Variants in HSPA8 observed in about 807,000 individuals in gnomAD.
The protein encoded by HSPA8 is heat shock cognate 71 kDa protein.
In HSPA8, 2 loss-of-function variants were observed where a neutral mutation model predicts 52.8. The ratio of observed to expected loss-of-function variants is 0.04; its 90% CI spans 0.02 to 0.12. The LOEUF (loss-of-function observed/expected upper bound fraction) is 0.12, where lower values mean the gene tolerates loss of function less well. HSPA8 is among the 10% of genes least tolerant of loss of function. HSPA8 has a pLI of 1.00. For missense variants in HSPA8, 349 were observed against 800.5 expected, an observed-to-expected ratio of 0.44 and a Z score of 6.81; for synonymous variants, 436 against 274.0, an observed-to-expected ratio of 1.59 and a Z score of -5.84.
At chr11:123,058,534 T>G (rs551539272) in intron 7 of HSPA8, 50 bp from the exon 8 acceptor site, 4 of 1,586,974 alleles carry the variant, frequency 2.5e-6, no homozygotes, top group Non-Finnish European at 3.5e-6. Context: ...CCTGTGTATG[T>G]GTAACTCTAG....
At position 123,061,283 on chromosome 11, in the gene HSPA8, G is replaced by C. The variant is rs144123192; in HGVS notation, c.42C>G (p.Thr14=). ...GCTGGAAAACACCCACACAAGAGTA[G>C]GTGGTGCCAAGATCAATACCAACTG... ...GPAVGIDLGT[T]YSCVGVFQHG... The change falls in exon 2 of 9, where the codon ACC becomes ACG. Residue 14 remains threonine, a synonymous_variant. Coordinates refer to ENST00000534624, the MANE Select transcript of HSPA8 (RefSeq NM_006597.6). 3 of 1,613,922 alleles carry C rather than the reference G, an allele frequency of 1.9e-6. No individual in the cohort carries two copies. Among genetic ancestry groups the C allele is most frequent in the Admixed American group, 1.7e-5 (1 of 60,012 alleles).
At position 123,060,272 on chromosome 11, in the gene HSPA8, G is replaced by C; in HGVS notation, c.412-4C>G. The C allele has an allele frequency of 6.2e-7, 1 of 1,612,498 alleles. No homozygotes were observed. Among genetic ancestry groups the C allele is most frequent in the Non-Finnish European group, 8.5e-7 (1 of 1,179,632 alleles). On this transcript the variant is annotated splice_region_variant and splice_polypyrimidine_tract_variant and intron_variant, in intron 3 of 8. Coordinates refer to ENST00000534624, the MANE Select transcript of HSPA8 (RefSeq NM_006597.6). ...TGACCACAGCATTGGTAACAGTCTA[G>C]GAATAAGGAAAAGACCACAGATTGG...
At chr11:123,062,162 T>C (rs1186211990), upstream of HSPA8, 1 of 152,444 alleles carries the variant, frequency 6.6e-6, no homozygotes, top group Non-Finnish European at 1.5e-5. Flanking sequence ...CCACCCTGCC[T>C]CTTATACCCT....
intron 8 of HSPA8, 73 bp downstream of exon 8, chr11:123,058,179 G>A: frequency 1.0e-6 from 1 of 972,684 alleles, no homozygotes; most frequent in Non-Finnish European, 1.6e-6. Flanking sequence ...CTGAAATCCA[G>A]CTCAAGCTTG....
At chr11:123,061,602 T>A in intron 1 of HSPA8, 2 of 491,162 alleles carry the variant, frequency 4.1e-6, no homozygotes, top group South Asian at 2.2e-5. Context: ...AACTGAGCAC[T>A]GTCTGTTCCC....
intron 5 of HSPA8, 91 bp downstream of exon 5, chr11:123,059,382 G>T: frequency 1.4e-6 from 2 of 1,392,006 alleles, no homozygotes; most frequent in Non-Finnish European, 2.0e-6. Context: ...CCAAGCTTTT[G>T]GTGGAAACTA....
rs1056656311 is a variant in HSPA8, at chr11:123,057,856, T to C, written c.1819A>G (p.Ile607Val). Residue 607 changes from isoleucine (I) to valine (V), a missense_variant, in exon 9 of 9, where the codon ATC (isoleucine) becomes GTC (valine). Ile to Val is a conservative substitution (Grantham distance 29). Transcript: ENST00000534624. ...CCTGCACTCTGGTACAGCTTGGTGA[T>C]GATGGGGTTGCAAACTTTCTCCAGC... ...KELEKVCNPI[I>V]TKLYQSAGGM... The C allele has an allele frequency of 2.5e-6, 4 of 1,613,400 alleles. No individual in the cohort carries two copies. Among genetic ancestry groups the C allele is most frequent in the African/African-American group, 1.3e-5 (1 of 74,914 alleles).
rs766993245 is a variant in HSPA8, at chr11:123,060,543, G to GGGCTTTTAACTA, written c.411+38_411+49dup. ...GGTGCCAGTGCCCCCGGGAGTCATC[G>GGGCTTTTAACTA]GGCTTTTAACTACTCCGGAATGCAC... On this transcript the variant is annotated intron_variant, in intron 3 of 8. Coordinates refer to ENST00000534624, the MANE Select transcript of HSPA8 (RefSeq NM_006597.6). 9 of 1,390,524 alleles carry GGGCTTTTAACTA rather than the reference G, an allele frequency of 6.5e-6. No homozygotes were observed. In the South Asian group the frequency reaches 1.0e-4, roughly 16 times the overall value. The allele number at this position is 1,390,524 out of a possible 1,614,324, so 86.1% of individuals were successfully genotyped here. A position where few individuals can be genotyped will look rare whatever the true frequency, so the allele number is the denominator to read the frequency against.
chr11:123,057,533 TTTCCAC>T lies in HSPA8; in HGVS notation c.*195_*200del, dbSNP rs1472910442. The T allele has an allele frequency of 2.1e-6, 1 of 470,752 alleles. No individual in the cohort carries two copies. Among genetic ancestry groups the T allele is most frequent in the Non-Finnish European group, 3.7e-6 (1 of 268,738 alleles). The allele number at this position is 470,752 out of a possible 1,614,324, so 29.2% of individuals were successfully genotyped here. On this transcript the variant is annotated 3_prime_UTR_variant, in exon 9 of 9. Coordinates refer to ENST00000534624, the MANE Select transcript of HSPA8 (RefSeq NM_006597.6). ...AATAGTTTTATTTAAGACATTGCAT[TTTCCAC>T]TTACAATACAGTGTTTATAAAGTGC...
intron 7 of HSPA8, 33 bp from the exon 8 acceptor site, chr11:123,058,517 T>G: frequency 6.2e-7 from 1 of 1,600,172 alleles, no homozygotes. Context: ...GTAAAAGCCT[T>G]AAATTACCTG....
In HSPA8 at chr11:123,060,807, G is replaced by C. The variant is rs761972842; in HGVS notation, c.206-9C>G. Reference sequence around the variant, plus strand: ...AATCAGACGTTTGGCATCTGTAAAAGGTGTCAAATGAAAACACTTTCAATT... The same window carrying C: ...AATCAGACGTTTGGCATCTGTAAAACGTGTCAAATGAAAACACTTTCAATT... On this transcript the variant is annotated splice_polypyrimidine_tract_variant and intron_variant, in intron 2 of 8. Coordinates refer to ENST00000534624, the MANE Select transcript of HSPA8 (RefSeq NM_006597.6). 2.5e-6 allele frequency: 4 copies of C among 1,602,234 alleles called. No individual in the cohort carries two copies. Among genetic ancestry groups the C allele is most frequent in the South Asian group, 2.2e-5 (2 of 90,550 alleles).
rs2135442083 is a variant in HSPA8, at chr11:123,059,348, C to CA, written c.1121-88dup. ...TTTAACTATCACTCGCTCAGACATC[C>CA]AAGGAAGGTGTTGCCATCATTAGCC... On this transcript the variant is annotated intron_variant, in intron 5 of 8. Coordinates refer to ENST00000534624, the MANE Select transcript of HSPA8 (RefSeq NM_006597.6). 2.2e-6 allele frequency: 3 copies of CA among 1,384,980 alleles called. No homozygotes were observed. The South Asian group carries it at 3.7e-5, about 17-fold the overall frequency. The allele number at this position is 1,384,980 out of a possible 1,614,324, so 85.8% of individuals were successfully genotyped here.
Position 123,057,532 on chromosome 11 carries a change from T to C in HSPA8, c.*202A>G, listed in dbSNP as rs1256421160. 2.1e-6 allele frequency: 1 copy of C among 470,432 alleles called. No individual in the cohort carries two copies. The highest frequency in any genetic ancestry group is 3.7e-6 in the Non-Finnish European group (1 of 268,466). 29.1% of individuals were successfully genotyped at this position (470,432 alleles called of 1,614,324 possible). A position where few individuals can be genotyped will look rare whatever the true frequency, so the allele number is the denominator to read the frequency against. On this transcript the variant is annotated 3_prime_UTR_variant, in exon 9 of 9. Transcript: ENST00000534624. The stretch of plus-strand genomic sequence containing the variant: ...AAATAGTTTTATTTAAGACATTGCA[T>C]TTTCCACTTACAATACAGTGTTTAT...
rs1310329130 is a variant in HSPA8 at position 123,058,423 on chromosome 11, T to C, written c.1584A>G (p.Glu528=). ...ACACCTTGTCCCTCTGCTTCTCATC[T>C]TCAGCTTTGTACTTCTCAGCTTCCT... ...MVQEAEKYKA[E]DEKQRDKVSS... Residue 528 remains glutamate (E), a synonymous_variant, in exon 8 of 9, where the codon GAA becomes GAG. Coordinates refer to ENST00000534624, the MANE Select transcript of HSPA8 (RefSeq NM_006597.6). 1.9e-6 allele frequency: 3 copies of C among 1,614,022 alleles called. No individual in the cohort carries two copies. The highest frequency in any genetic ancestry group is 3.3e-5 in the Admixed American group (2 of 59,996).
At chr11:123,061,575 C>T (rs774395206) in intron 1 of HSPA8, 5 of 547,092 alleles carry the variant, frequency 9.1e-6, no homozygotes, top group African/African-American at 1.9e-5. Flanking sequence ...CGTTGCTCAA[C>T]ACGTGGTCTT....
At chr11:123,062,413 G>C (rs1865542155), upstream of HSPA8, 1 of 152,402 alleles carries the variant, frequency 6.6e-6, no homozygotes, top group South Asian at 2.1e-4. Context: ...GGGAGGGTGG[G>C]GCGCAGCGAG....
chr11:123,061,523 C>A, intron 1 of HSPA8, 194 bp from the exon 2 acceptor site: 2 of 602,924 alleles, frequency 3.3e-6, no homozygotes, highest in Non-Finnish European at 5.9e-6. Flanking sequence ...CGCAGCAGAG[C>A]ACGCCCTAGA....
chr11:123,058,227 A>AAG, intron 8 of HSPA8, 25 bp downstream of exon 8: 1 of 420,130 alleles, frequency 2.4e-6, no homozygotes, highest in Non-Finnish European at 3.1e-6. Context: ...GTGGGGGAGG[A>AAG]AAAAAAAAAA....
At chr11:123,061,525 C>T in intron 1 of HSPA8, 196 bp from the exon 2 acceptor site, 1 of 600,586 alleles carries the variant, frequency 1.7e-6, no homozygotes, top group East Asian at 2.8e-5. Flanking sequence ...CAGCAGAGCA[C>T]GCCCTAGATG....
Sources: gnomAD v4.1 joint callset for allele counts on GRCh38, gnomAD v4.1.1 for gene constraint, MANE v1.5 for transcripts, NCBI Gene and HGNC (gene_info 2026-07-23, HGNC 2026-07-21) for gene names.